RGS7: variants seen among roughly 807,000 people sequenced by gnomAD.
RGS7 encodes the protein regulator of G-protein signaling 7.
In RGS7, 27 loss-of-function variants were observed where a neutral mutation model predicts 81.1. The observed-to-expected ratio is 0.33, with a 90% CI of 0.25 to 0.46. The LOEUF (loss-of-function observed/expected upper bound fraction) is 0.46, where lower values mean the gene tolerates loss of function less well. Ranked by LOEUF, RGS7 falls within the 20% of genes least tolerant of loss-of-function variation. RGS7 has a pLI of 1.00. For missense variants in RGS7, 396 were observed against 607.4 expected, an observed-to-expected ratio of 0.65 and a Z score of 3.66; for synonymous variants, 208 against 207.7, an observed-to-expected ratio of 1.00 and a Z score of -0.01.
intron 2 of RGS7, among the ~76,000 whole-genome samples, chr1:241,176,030 A>C (rs2103282521): frequency 6.6e-6 from 1 of 152,352 alleles, no homozygotes; most frequent in African/African-American, 2.4e-5. Context: ...CCACTTTACA[A>C]ATAGGACCTC....
intron 2 of RGS7, among the ~76,000 whole-genome samples, chr1:241,263,874 T>C (rs1457797175): frequency 2.6e-5 from 4 of 152,210 alleles, no homozygotes; most frequent in Non-Finnish European, 5.9e-5. Flanking sequence ...GGTGCTCTTA[T>C]ATCCCTGGAA....
intron 3 of RGS7, among the ~76,000 whole-genome samples, chr1:241,078,478 G>A (rs1048298724): frequency 9.0e-5 from 7 of 77,556 alleles, no homozygotes; most frequent in South Asian, 3.4e-4. Flanking sequence ...ACACACACAC[G>A]TAAGTTATGT....
intron 18 of RGS7, among the ~76,000 whole-genome samples, chr1:240,778,323 G>A (rs957553141): frequency 1.3e-5 from 2 of 152,152 alleles, no homozygotes; most frequent in African/African-American, 2.4e-5. Flanking sequence ...CACATTTTTG[G>A]AAAAAGACAA....
intron 10 of RGS7, among the ~76,000 whole-genome samples, chr1:240,817,883 G>A (rs369493744): frequency 9.2e-5 from 14 of 152,166 alleles, no homozygotes; most frequent in South Asian, 6.2e-4. Flanking sequence ...GATTACAGGC[G>A]TGAGCCACCG....
At chr1:241,334,308 A>T (rs1460499165) in intron 2 of RGS7, among the ~76,000 whole-genome samples, 3 of 152,182 alleles carry the variant, frequency 2.0e-5, no homozygotes, top group Admixed American at 2.0e-4. Flanking sequence ...CCGGTGGTTG[A>T]AATAGCAAGA....
chr1:241,068,476 C>T (rs180953288), intron 3 of RGS7, among the ~76,000 whole-genome samples: 87 of 151,724 alleles, frequency 5.7e-4, no homozygotes, highest in African/African-American at 1.5e-3. Flanking sequence ...CCTATATTCA[C>T]TCATTTAAGA....
At chr1:241,148,051 CTTTTTTTTTTTT>C (rs58632066) in intron 2 of RGS7, among the ~76,000 whole-genome samples, 2 of 108,494 alleles carry the variant, frequency 1.8e-5, no homozygotes, top group Non-Finnish European at 3.7e-5. Flanking sequence ...TTTTCTTTTT[CTTTTTTTTTTTT>C]TTTTTTGAGA....
intron 18 of RGS7, among the ~76,000 whole-genome samples, chr1:240,786,252 AC>A (rs1389274636): frequency 6.6e-6 from 1 of 152,222 alleles, no homozygotes; most frequent in Non-Finnish European, 1.5e-5. Context: ...ATGTCCTTCT[AC>A]CTTTTTATAC....
rs538220046 is a variant in RGS7 at position 241,081,325 on chromosome 1, T to C, written c.175+17341A>G. Among the ~76,000 whole-genome samples, 239 of 152,322 alleles carry C rather than the reference T, an allele frequency of 1.6e-3. 2 individuals are homozygous for C. Among genetic ancestry groups the C allele is most frequent in the Non-Finnish European group, 1.8e-3 (124 of 68,032 alleles). ...CAAGTTTGAAAATTCCAGATGCCTATAAAGATAACATTTAAATGCTAGCTA... is the reference window on the plus strand; with the variant it reads ...CAAGTTTGAAAATTCCAGATGCCTACAAAGATAACATTTAAATGCTAGCTA... On this transcript the variant is annotated intron_variant, in intron 3 of 18. Coordinates refer to ENST00000440928, the MANE Select transcript of RGS7 (RefSeq NM_001364886.1).
At chr1:241,159,157 A>G (rs1357130768) in intron 2 of RGS7, among the ~76,000 whole-genome samples, 3 of 152,232 alleles carry the variant, frequency 2.0e-5, no homozygotes, top group African/African-American at 7.2e-5. Context: ...TTTTTACTAT[A>G]TCAATTGCTT....
intron 3 of RGS7, among the ~76,000 whole-genome samples, chr1:241,005,305 T>C (rs1297618510): frequency 6.6e-6 from 1 of 152,214 alleles, no homozygotes; most frequent in African/African-American, 2.4e-5. Flanking sequence ...ATGCACAGAA[T>C]TTTAGTCCAA....
chr1:240,855,793 A>C (rs1410376722), intron 9 of RGS7, among the ~76,000 whole-genome samples: 2 of 152,202 alleles, frequency 1.3e-5, no homozygotes, highest in Non-Finnish European at 1.5e-5. Context: ...ATTTTTATAC[A>C]GATAATACCA....
chr1:240,983,636 AT>A (rs1244863720), intron 3 of RGS7, among the ~76,000 whole-genome samples: 1 of 152,104 alleles, frequency 6.6e-6, no homozygotes. Context: ...TCTTCCCACT[AT>A]TTTTAAGACA....
intron 3 of RGS7, among the ~76,000 whole-genome samples, chr1:240,997,325 T>C (rs1687445514): frequency 6.6e-6 from 1 of 152,152 alleles, no homozygotes; most frequent in African/African-American, 2.4e-5. Flanking sequence ...TTTTAGTTGA[T>C]GATAAAATTA....
intron 2 of RGS7, among the ~76,000 whole-genome samples, chr1:241,239,329 G>A (rs1322737283): frequency 2.0e-5 from 3 of 152,022 alleles, no homozygotes; most frequent in Non-Finnish European, 4.4e-5. Flanking sequence ...TAACCTCTTT[G>A]GTTCTAATCT....
intron 6 of RGS7, among the ~76,000 whole-genome samples, chr1:240,882,330 T>C (rs1666549422): frequency 6.6e-6 from 1 of 152,214 alleles, no homozygotes. Flanking sequence ...ATTAGACCTG[T>C]GAATTTCTGT....
intron 6 of RGS7, among the ~76,000 whole-genome samples, chr1:240,908,468 C>CAAGAACAA (rs1671214089): frequency 6.6e-6 from 1 of 152,150 alleles, no homozygotes; most frequent in Non-Finnish European, 1.5e-5. Context: ...CTTAAGCCCA[C>CAAGAACAA]ATGAACAAAT....
chr1:240,857,717 A>G (rs1475332816), intron 9 of RGS7, among the ~76,000 whole-genome samples: 1 of 151,922 alleles, frequency 6.6e-6, no homozygotes, highest in African/African-American at 2.4e-5. Context: ...AGCTCATCCC[A>G]TTCTATCATT....
intron 2 of RGS7, among the ~76,000 whole-genome samples, chr1:241,161,233 C>T (rs533609831): frequency 1.7e-4 from 26 of 152,112 alleles, no homozygotes; most frequent in Middle Eastern, 6.8e-3. Flanking sequence ...ATGAATGTAT[C>T]CAAAAGTAGC....
Sources: gnomAD v4.1 joint callset for allele counts (sites outside exome capture counted in the v4.1 genomes callset) on GRCh38, gnomAD v4.1.1 for gene constraint, MANE v1.5 for transcripts, NCBI Gene and HGNC (gene_info 2026-07-23, HGNC 2026-07-21) for gene names.